Variants in EPB41L2 observed in about 807,000 individuals in gnomAD.
EPB41L2 encodes the protein erythrocyte membrane protein band 4.1 like 2.
EPB41L2 carries 43 observed loss-of-function variants against 113.0 expected under a neutral mutation model. The ratio of observed to expected loss-of-function variants is 0.38; its 90% CI spans 0.30 to 0.49. The LOEUF (loss-of-function observed/expected upper bound fraction) is 0.49, where lower values mean the gene tolerates loss of function less well. EPB41L2 is among the 20% of genes least tolerant of loss of function. EPB41L2 has a pLI of 0.95. For synonymous variants in EPB41L2, 442 were observed against 436.7 expected, an observed-to-expected ratio of 1.01 and a Z score of -0.15; for missense variants, 1,147 against 1,223.4, an observed-to-expected ratio of 0.94 and a Z score of 0.93.
rs1184559839 is a variant in EPB41L2 at position 131,051,462 on chromosome 6, A to AAC, written c.-15+11692_-15+11693insGT. 1.7e-4 allele frequency among the ~76,000 whole-genome samples: 25 copies of AAC among 150,004 alleles called. 1 individual carries two copies. Among genetic ancestry groups the AAC allele is most frequent in the African/African-American group, 6.1e-4 (25 of 41,152 alleles). Reference sequence around the variant, plus strand: ...TTCACAAAAGTAAAGCAAAAAAAAAAAAAACACACACACACACACACACAA... The same window carrying AAC: ...TTCACAAAAGTAAAGCAAAAAAAAAAACAAAACACACACACACACACACACAA... On this transcript the variant is annotated intron_variant, in intron 1 of 19. Transcript: ENST00000337057.
chr6:130,889,847 T>C (rs540812837), intron 11 of EPB41L2, among the ~76,000 whole-genome samples: 2 of 152,276 alleles, frequency 1.3e-5, no homozygotes, highest in South Asian at 4.1e-4. Context: ...GTATCCCTTA[T>C]CTGAAATGTT....
intron 1 of EPB41L2, among the ~76,000 whole-genome samples, chr6:130,993,372 G>C (rs1018091341): frequency 6.6e-6 from 1 of 152,126 alleles, no homozygotes; most frequent in Non-Finnish European, 1.5e-5. Context: ...CTAAAACACA[G>C]GTACTTATAA....
chr6:130,919,811 C>T (rs77908752), intron 4 of EPB41L2, among the ~76,000 whole-genome samples: 3,615 of 152,196 alleles, frequency 0.024, 133 homozygotes, highest in African/African-American at 0.082. Context: ...TGCTGCCATC[C>T]CAAATGTATG....
At chr6:131,032,521 T>C (rs981825544) in intron 1 of EPB41L2, among the ~76,000 whole-genome samples, 72 of 152,242 alleles carry the variant, frequency 4.7e-4, no homozygotes, top group African/African-American at 1.6e-3. Flanking sequence ...CAAGAACCAG[T>C]AGTGAGGCAG....
intron 10 of EPB41L2, among the ~76,000 whole-genome samples, chr6:130,892,058 C>T (rs1793063506): frequency 6.6e-6 from 1 of 152,098 alleles, no homozygotes; most frequent in South Asian, 2.1e-4. Context: ...CAAAAGTTTG[C>T]AGGAGCAAAT....
intron 1 of EPB41L2, among the ~76,000 whole-genome samples, chr6:131,008,105 A>G (rs893664067): frequency 2.0e-5 from 3 of 152,264 alleles, no homozygotes; most frequent in African/African-American, 4.8e-5. Flanking sequence ...AGACCTTCAC[A>G]GCAGGTGCTT....
chr6:131,034,459 T>C (rs905391532), intron 1 of EPB41L2, among the ~76,000 whole-genome samples: 1 of 151,994 alleles, frequency 6.6e-6, no homozygotes, highest in African/African-American at 2.4e-5. Context: ...AGTGCGAAAA[T>C]TAGCCGGGGC....
chr6:130,860,667 C>G, intron 18 of EPB41L2, among the ~76,000 whole-genome samples: 1 of 152,092 alleles, frequency 6.6e-6, no homozygotes. Flanking sequence ...CGAATAGCTG[C>G]GACTACAGGC....
intron 1 of EPB41L2, among the ~76,000 whole-genome samples, chr6:130,985,449 A>G (rs1780330811): frequency 2.0e-5 from 3 of 152,252 alleles, no homozygotes; most frequent in Non-Finnish European, 4.4e-5. Flanking sequence ...AGAACTCGGG[A>G]ACCAGTGCGT....
Position 130,890,476 on chromosome 6 carries a change from GAA to G in EPB41L2, c.1488-12_1488-11del, listed in dbSNP as rs78924534. 70,970 of 1,242,142 alleles carry G rather than the reference GAA, an allele frequency of 0.057. No homozygotes were observed. The highest frequency in any genetic ancestry group is 0.13 in the East Asian group (4,322 of 34,090). The allele number at this position is 1,242,142 out of a possible 1,614,324, so 76.9% of individuals were successfully genotyped here. On this transcript the variant is annotated splice_polypyrimidine_tract_variant and intron_variant, in intron 10 of 19. Transcript: ENST00000337057. Reference sequence around the variant, plus strand: ...CTCTGGAGAAACAAGCCTATGGGAGGAAAAAAAAAAAAAAAGAGAGAGAGAAA... The same window carrying G: ...CTCTGGAGAAACAAGCCTATGGGAGGAAAAAAAAAAAAAGAGAGAGAGAAA...
At chr6:130,967,472 C>T (rs140174336) in intron 1 of EPB41L2, among the ~76,000 whole-genome samples, 105 of 151,832 alleles carry the variant, frequency 6.9e-4, no homozygotes, top group African/African-American at 2.4e-3. Flanking sequence ...ATGCAGGCAG[C>T]GTAAAAAGAT....
rs185572795 is a variant in EPB41L2, at chr6:130,948,265, T to C, written c.705+6840A>G. 2.7e-4 allele frequency among the ~76,000 whole-genome samples: 41 copies of C among 152,334 alleles called. 2 individuals carry two copies. In the East Asian group the frequency reaches 7.7e-3, roughly 29 times the overall value. ...CTGCTGCTTTTCGCTTTGGATACTATCTCAACTCTGCTTCAGGCAACACAG... is the reference window on the plus strand; with the variant it reads ...CTGCTGCTTTTCGCTTTGGATACTACCTCAACTCTGCTTCAGGCAACACAG... On this transcript the variant is annotated intron_variant, in intron 3 of 19. Coordinates refer to ENST00000337057, the MANE Select transcript of EPB41L2 (RefSeq NM_001431.4).
chr6:130,885,120 T>C lies in EPB41L2; in HGVS notation c.1809A>G (p.Pro603=). The change falls in exon 12 of 20, where the codon CCA becomes CCG. Residue 603 remains proline, a synonymous_variant. Coordinates refer to ENST00000337057, the MANE Select transcript of EPB41L2 (RefSeq NM_001431.4). ...RREVRSPTKA[P]HLQLIEGKKN... is the part of the protein sequence containing the mutation. ...CCTTTCCTTCAATGAGCTGCAAATG[T>C]GGGGCTTTAGTTGGGCTTCTCACTT... 6.2e-7 allele frequency: 1 copy of C among 1,614,126 alleles called. No homozygotes were observed. The highest frequency in any genetic ancestry group is 8.5e-7 in the Non-Finnish European group (1 of 1,179,988).
chr6:130,960,094 C>A (rs1818836296), intron 1 of EPB41L2, among the ~76,000 whole-genome samples: 1 of 152,100 alleles, frequency 6.6e-6, no homozygotes, highest in Non-Finnish European at 1.5e-5. Context: ...ATGTATTATC[C>A]CTGTTTTACA....
Position 130,956,447 on chromosome 6 carries a change from C to T in EPB41L2, c.39G>A (p.Lys13=). 1.2e-6 allele frequency: 2 copies of T among 1,613,908 alleles called. No homozygotes were observed. The highest frequency in any genetic ancestry group is 1.3e-5 in the African/African-American group (1 of 75,024). Residue 13 remains lysine (K), a synonymous_variant, in exon 2 of 20, where the codon AAG becomes AAA. Coordinates refer to ENST00000337057, the MANE Select transcript of EPB41L2 (RefSeq NM_001431.4). ...TEVGSVSEVK[K]DSSQLGTDAT... ...CATCTGTTCCTAACTGGCTAGAGTC[C>T]TTCTTCACTTCAGACACAGAGCCTA...
intron 12 of EPB41L2, chr6:130,880,802 G>A (rs1789071526): frequency 3.2e-6 from 1 of 316,176 alleles, no homozygotes; most frequent in African/African-American, 2.1e-5. Flanking sequence ...TGCAAAAATG[G>A]CATAATTCAA....
At chr6:131,010,837 C>G (rs757647903) in intron 1 of EPB41L2, among the ~76,000 whole-genome samples, 11 of 152,158 alleles carry the variant, frequency 7.2e-5, no homozygotes, top group Non-Finnish European at 1.6e-4. Flanking sequence ...ACCTCCTGGA[C>G]CTGCAGATAT....
In EPB41L2 at chr6:130,883,393, C is replaced by T. The variant is rs575229499; in HGVS notation, c.1833+1703G>A. On this transcript the variant is annotated intron_variant, in intron 12 of 19. Coordinates refer to ENST00000337057, the MANE Select transcript of EPB41L2 (RefSeq NM_001431.4). ...CTACTTGTGTCACATAAAATTTATA[C>T]ATATGACTCATTTAATTATTTTCAA... Among the ~76,000 whole-genome samples the T allele has an allele frequency of 1.1e-4, 17 of 152,218 alleles. No homozygotes were observed. The East Asian group carries it at 3.3e-3, about 29-fold the overall frequency.
intron 1 of EPB41L2, among the ~76,000 whole-genome samples, chr6:131,018,535 T>C (rs183170235): frequency 3.2e-4 from 48 of 152,356 alleles, no homozygotes; most frequent in Middle Eastern, 6.8e-3. Flanking sequence ...TTTTTTCGTA[T>C]GGAAGTTTAT....
Sources: gnomAD v4.1 joint callset for allele counts (sites outside exome capture counted in the v4.1 genomes callset) on GRCh38, gnomAD v4.1.1 for gene constraint, MANE v1.5 for transcripts, NCBI Gene and HGNC (gene_info 2026-07-23, HGNC 2026-07-21) for gene names.